The following KLF7 variants were observed in gnomAD, a reference collection of about 807,000 sequenced individuals.
KLF7 encodes Krueppel-like factor 7.
In KLF7, 2 loss-of-function variants were observed where a neutral mutation model predicts 27.3. The observed-to-expected ratio is 0.07, with a 90% CI of 0.03 to 0.23. The LOEUF is 0.23. Ranked by LOEUF, KLF7 falls within the 10% of genes least tolerant of loss-of-function variation. KLF7 has a pLI of 1.00. For synonymous variants in KLF7, 165 were observed against 162.4 expected (o/e 1.02, Z -0.12); for missense variants, 221 against 394.1 (o/e 0.56, Z 3.72).
At chr2:207,091,514 T>C (rs1450110281) in intron 2 of KLF7, among the ~76,000 whole-genome samples, 2 of 152,214 alleles carry the variant, frequency 1.3e-5, no homozygotes, top group Non-Finnish European at 1.5e-5. Context: ...TATAGTGATT[T>C]ATCAAGCTAT....
At chr2:207,090,652 C>T (rs553613091) in intron 2 of KLF7, among the ~76,000 whole-genome samples, 1 of 152,282 alleles carries the variant, frequency 6.6e-6, no homozygotes, top group South Asian at 2.1e-4. Context: ...AGTCTACAGA[C>T]ATGCTGGGTA....
chr2:207,114,177 T>C (rs867415945), intron 2 of KLF7, among the ~76,000 whole-genome samples: 75 of 152,356 alleles, frequency 4.9e-4, no homozygotes, highest in African/African-American at 1.7e-3. Flanking sequence ...TTTTCTGACA[T>C]TCTCTCCCGA....
intron 2 of KLF7, among the ~76,000 whole-genome samples, chr2:207,106,496 C>T (rs1473115331): frequency 6.6e-6 from 1 of 152,140 alleles, no homozygotes; most frequent in Non-Finnish European, 1.5e-5. Context: ...AGATGCCTCC[C>T]AGGGTTTTGC....
At chr2:207,095,582 T>C (rs2076611186) in intron 2 of KLF7, among the ~76,000 whole-genome samples, 2 of 152,238 alleles carry the variant, frequency 1.3e-5, no homozygotes, top group South Asian at 2.1e-4. Flanking sequence ...TAGCCACACA[T>C]AGCAACGAGC....
upstream of KLF7, among the ~76,000 whole-genome samples, chr2:207,169,548 T>C (rs1341898327): frequency 6.6e-6 from 1 of 152,222 alleles, no homozygotes; most frequent in Non-Finnish European, 1.5e-5. Context: ...TTCTGTCCTA[T>C]ATGGGCATAC....
At chr2:207,117,435 C>T (rs2077217211) in intron 2 of KLF7, among the ~76,000 whole-genome samples, 2 of 152,336 alleles carry the variant, frequency 1.3e-5, no homozygotes, top group South Asian at 4.1e-4. Context: ...CTATTCAGCT[C>T]TCTCCACCTT....
In KLF7 at chr2:207,078,469, TA is replaced by T. The variant is rs953248745; in HGVS notation, c.*2743del. 2.0e-5 allele frequency: 3 copies of T among 152,280 alleles called. No homozygotes were observed. The highest frequency in any genetic ancestry group is 2.9e-5 in the Non-Finnish European group (2 of 68,046). The allele number at this position is 152,280 out of a possible 1,614,324, so 9.4% of individuals were successfully genotyped here. A position where few individuals can be genotyped will look rare whatever the true frequency, so the allele number is the denominator to read the frequency against. ...GCAATGATTACTCTTTTGCATTTTT[TA>T]AACTTTCTTTTTAATAGAGCCTTGC... is the stretch of plus-strand genomic sequence containing the variant. On this transcript the variant is annotated 3_prime_UTR_variant, in exon 4 of 4. Coordinates refer to ENST00000309446, the MANE Select transcript of KLF7 (RefSeq NM_003709.4).
intron 1 of KLF7, among the ~76,000 whole-genome samples, chr2:207,129,873 T>A (rs897434127): frequency 6.6e-6 from 1 of 152,216 alleles, no homozygotes; most frequent in African/African-American, 2.4e-5. Flanking sequence ...GAGACAGAAG[T>A]TGAAAGAAAA....
chr2:207,143,609 C>A (rs78251502), intron 1 of KLF7, among the ~76,000 whole-genome samples: 3,979 of 152,242 alleles, frequency 0.026, 181 homozygotes, highest in African/African-American at 0.09. Flanking sequence ...TGACCACATT[C>A]TCCTGGCCAG....
At position 207,075,260 on chromosome 2, in the gene KLF7, T is replaced by C. The variant is rs897923808; in HGVS notation, c.*5953A>G. The C allele has an allele frequency of 6.6e-6, 1 of 151,648 alleles. No individual in the cohort carries two copies. The highest frequency in any genetic ancestry group is 6.6e-5 in the Admixed American group (1 of 15,228). 9.4% of individuals were successfully genotyped at this position (151,648 alleles called of 1,614,324 possible). On this transcript the variant is annotated 3_prime_UTR_variant, in exon 4 of 4. Transcript: ENST00000309446. ...TTCTTCATTAATAATTTTGTAACAT[T>C]AACATACCACCATCATATAATACAA...
chr2:207,122,498 T>C (rs938918319), intron 2 of KLF7, among the ~76,000 whole-genome samples: 2 of 152,176 alleles, frequency 1.3e-5, no homozygotes, highest in African/African-American at 2.4e-5. Context: ...AAACAGTTCA[T>C]GGACCTCCAG....
At chr2:207,088,269 C>T (rs1017342363) in intron 3 of KLF7, among the ~76,000 whole-genome samples, 189 bp downstream of exon 3, 1 of 152,162 alleles carries the variant, frequency 6.6e-6, no homozygotes, top group Admixed American at 6.5e-5. Context: ...AGAATTCACA[C>T]CACCTCTTGA....
At chr2:207,105,638 G>GTGGA (rs1392568348) in intron 2 of KLF7, among the ~76,000 whole-genome samples, 1 of 152,160 alleles carries the variant, frequency 6.6e-6, no homozygotes, top group Non-Finnish European at 1.5e-5. Flanking sequence ...AGGGTAGAAT[G>GTGGA]TGGATGGCTC....
chr2:207,088,038 C>T (rs2076431138), intron 3 of KLF7, among the ~76,000 whole-genome samples: 2 of 152,132 alleles, frequency 1.3e-5, no homozygotes, highest in Admixed American at 1.3e-4. Flanking sequence ...CCTAACCTTC[C>T]TTCCATTAAG....
intron 1 of KLF7, among the ~76,000 whole-genome samples, chr2:207,135,798 G>A (rs2077768069): frequency 6.6e-6 from 1 of 151,666 alleles, no homozygotes; most frequent in Admixed American, 6.6e-5. Context: ...TTATTTACTT[G>A]TCTCTAACGT....
At chr2:207,149,208 G>T in intron 1 of KLF7, 1 of 1,259,796 alleles carries the variant, frequency 7.9e-7, no homozygotes, top group South Asian at 1.2e-5. Flanking sequence ...TTTCTGAGGA[G>T]AAAAAATTAA....
rs1010122938 is a variant in KLF7, at chr2:207,096,730, G to A, written c.734-8149C>T. Reference sequence around the variant, plus strand: ...AGGATGTGAATTTTGTGAGGGCAGGGGCCACATTTGACTTGTTCGCCACTT... The same window carrying A: ...AGGATGTGAATTTTGTGAGGGCAGGAGCCACATTTGACTTGTTCGCCACTT... On this transcript the variant is annotated intron_variant, in intron 2 of 3. Coordinates refer to ENST00000309446, the MANE Select transcript of KLF7 (RefSeq NM_003709.4). Among the ~76,000 whole-genome samples, 8 of 152,258 alleles carry A rather than the reference G, an allele frequency of 5.3e-5. No homozygotes were observed. The East Asian group carries it at 1.5e-3, about 29-fold the overall frequency.
At chr2:207,133,990 A>T in intron 1 of KLF7, 1 of 1,105,550 alleles carries the variant, frequency 9.0e-7, no homozygotes, top group Non-Finnish European at 1.3e-6. Context: ...GCTCTTATGC[A>T]CCCCCACCCG....
intron 1 of KLF7, among the ~76,000 whole-genome samples, chr2:207,156,895 C>A (rs1377270369): frequency 2.0e-5 from 3 of 152,170 alleles, no homozygotes; most frequent in Non-Finnish European, 4.4e-5. Flanking sequence ...TATCATTAAA[C>A]CCTCTATACA....
Sources: allele counts gnomAD v4.1 joint callset (sites outside exome capture counted in the v4.1 genomes callset), GRCh38; gene constraint gnomAD v4.1.1; transcripts MANE v1.5; gene names NCBI Gene and HGNC (gene_info 2026-07-23, HGNC 2026-07-21).